OLA1: variants seen among roughly 807,000 people sequenced by gnomAD.
The protein encoded by OLA1 is obg-like ATPase 1.
A neutral mutation model predicts 48.4 loss-of-function variants in OLA1; 14 were observed. That is an observed-to-expected ratio of 0.29 (90% CI 0.19 to 0.45). The LOEUF is 0.45. Ranked by LOEUF, OLA1 falls within the 20% of genes least tolerant of loss-of-function variation. The pLI, the probability that OLA1 is intolerant of heterozygous loss-of-function variation, is 1.00. For synonymous variants in OLA1, 127 were observed against 150.4 expected, an observed-to-expected ratio of 0.84 and a Z score of 1.14; for missense variants, 325 against 467.1, an observed-to-expected ratio of 0.70 and a Z score of 2.80.
At chr2:174,125,661 A>T (rs947015138) in intron 5 of OLA1, among the ~76,000 whole-genome samples, 1 of 152,230 alleles carries the variant, frequency 6.6e-6, no homozygotes, top group East Asian at 1.9e-4. Flanking sequence ...GAATTTCAGT[A>T]TTTCTCTTTC....
At chr2:174,182,511 G>A (rs1342358973) in intron 4 of OLA1, among the ~76,000 whole-genome samples, 2 of 151,994 alleles carry the variant, frequency 1.3e-5, no homozygotes, top group African/African-American at 2.4e-5. Flanking sequence ...TGGGCAACAA[G>A]AGCAAAACTC....
At chr2:174,221,659 C>T (rs1688509325) in intron 4 of OLA1, among the ~76,000 whole-genome samples, 1 of 152,160 alleles carries the variant, frequency 6.6e-6, no homozygotes. Flanking sequence ...GCCCCAACTA[C>T]AAAATTTTTT....
chr2:174,235,562 C>G (rs1013281658), intron 2 of OLA1, among the ~76,000 whole-genome samples: 8 of 152,118 alleles, frequency 5.3e-5, no homozygotes, highest in African/African-American at 1.9e-4. Flanking sequence ...AAACTAAGCT[C>G]TACAATTGCT....
At position 174,169,768 on chromosome 2, in the gene OLA1, G is replaced by A. The variant is rs145141692; in HGVS notation, c.374-27768C>T. On this transcript the variant is annotated intron_variant, in intron 4 of 10. Transcript: ENST00000284719. ...GGCAGATATCTTAGTAAGTGCAAAA[G>A]GCTTTTTGTTTTTTCTTTTCATGGT... Among the ~76,000 whole-genome samples the A allele has an allele frequency of 4.6e-3, 697 of 152,204 alleles. 9 individuals carry two copies. The Middle Eastern group carries it at 0.065, about 14-fold the overall frequency.
chr2:174,236,635 G>A (rs974399041), intron 2 of OLA1, among the ~76,000 whole-genome samples: 1 of 152,016 alleles, frequency 6.6e-6, no homozygotes, highest in African/African-American at 2.4e-5. Context: ...ATCATCGTGC[G>A]AACATTACAG....
chr2:174,091,183 A>G (rs1315150557), intron 7 of OLA1, among the ~76,000 whole-genome samples: 1 of 152,194 alleles, frequency 6.6e-6, no homozygotes, highest in African/African-American at 2.4e-5. Context: ...GTTATTTAAC[A>G]TCTCTTAGCT....
intron 5 of OLA1, among the ~76,000 whole-genome samples, chr2:174,127,086 A>G (rs1185828022): frequency 6.6e-6 from 1 of 152,162 alleles, no homozygotes; most frequent in Non-Finnish European, 1.5e-5. Context: ...TAAAATTAGA[A>G]ATGCTCTATT....
intron 5 of OLA1, among the ~76,000 whole-genome samples, chr2:174,137,262 T>C (rs558337391): frequency 6.6e-6 from 1 of 152,310 alleles, no homozygotes; most frequent in Non-Finnish European, 1.5e-5. Flanking sequence ...GGAATTGTTT[T>C]TTCTGAGCAG....
intron 4 of OLA1, 88 bp downstream of exon 4, chr2:174,222,945 T>G: frequency 1.5e-6 from 2 of 1,341,146 alleles, no homozygotes; most frequent in Non-Finnish European, 2.0e-6. Flanking sequence ...CAATCTTCCA[T>G]TAGTCATTTC....
intron 3 of OLA1, among the ~76,000 whole-genome samples, chr2:174,223,548 AAATT>A (rs1553491207): frequency 1.3e-5 from 2 of 152,202 alleles, no homozygotes; most frequent in Non-Finnish European, 2.9e-5. Context: ...GCCAGACACT[AAATT>A]AAGTATTCTA....
chr2:174,157,750 C>G (rs566902664), intron 4 of OLA1, among the ~76,000 whole-genome samples: 2 of 152,206 alleles, frequency 1.3e-5, no homozygotes, highest in African/African-American at 4.8e-5. Flanking sequence ...AGAGGGATGA[C>G]TCACCAAGAA....
intron 1 of OLA1, chr2:174,247,560 A>C: frequency 6.7e-7 from 1 of 1,488,520 alleles, no homozygotes; most frequent in South Asian, 1.3e-5. Flanking sequence ...TCCATTGTGG[A>C]ACCACCAGCA....
At chr2:174,146,975 T>C (rs1029028257) in intron 4 of OLA1, among the ~76,000 whole-genome samples, 3 of 152,150 alleles carry the variant, frequency 2.0e-5, no homozygotes, top group Non-Finnish European at 2.9e-5. Context: ...CCAAATAAAA[T>C]GGCATAAATA....
At chr2:174,184,590 T>C (rs1398837229) in intron 4 of OLA1, among the ~76,000 whole-genome samples, 1 of 152,188 alleles carries the variant, frequency 6.6e-6, no homozygotes, top group African/African-American at 2.4e-5. Flanking sequence ...TTAGTGAAAC[T>C]GGTGAAATCT....
intron 5 of OLA1, among the ~76,000 whole-genome samples, chr2:174,125,320 T>G (rs924366513): frequency 1.3e-5 from 2 of 152,096 alleles, no homozygotes; most frequent in Admixed American, 1.3e-4. Flanking sequence ...AAAAAACTAA[T>G]GTCGGAGGGG....
intron 9 of OLA1, among the ~76,000 whole-genome samples, chr2:174,080,638 AT>A (rs968479255): frequency 3.3e-5 from 5 of 152,112 alleles, no homozygotes; most frequent in African/African-American, 1.2e-4. Flanking sequence ...ATGAATTCAA[AT>A]TTAAAAAGGC....
At position 174,247,021 on chromosome 2, in the gene OLA1, A is replaced by G. The variant is rs146787344; in HGVS notation, c.1-206T>C. 2.2e-3 allele frequency: 807 copies of G among 359,640 alleles called. 3 individuals carry two copies. The highest frequency in any genetic ancestry group is 0.016 in the African/African-American group (761 of 47,940). 22.3% of individuals were successfully genotyped at this position (359,640 alleles called of 1,614,324 possible). On this transcript the variant is annotated intron_variant, in intron 1 of 10. Coordinates refer to ENST00000284719, the MANE Select transcript of OLA1 (RefSeq NM_013341.5). ...TTCTGTAAACATATCCGTTGTCAAA[A>G]GAGTCATTGCTGAGAAGTCCCAGAA...
intron 4 of OLA1, among the ~76,000 whole-genome samples, chr2:174,157,246 T>C (rs1235174438): frequency 2.6e-5 from 4 of 152,108 alleles, no homozygotes; most frequent in Non-Finnish European, 5.9e-5. Context: ...ATTTCTGAGA[T>C]AAGAAAAAGC....
chr2:174,134,129 G>A (rs1686246967), intron 5 of OLA1, among the ~76,000 whole-genome samples: 1 of 152,130 alleles, frequency 6.6e-6, no homozygotes, highest in South Asian at 2.1e-4. Context: ...TGGCTATTAT[G>A]AATATTGCCA....
Sources: gnomAD v4.1 joint callset for allele counts (sites outside exome capture counted in the v4.1 genomes callset) on GRCh38, gnomAD v4.1.1 for gene constraint, MANE v1.5 for transcripts, NCBI Gene and HGNC (gene_info 2026-07-23, HGNC 2026-07-21) for gene names.